The following NRXN1 variants were observed in gnomAD, a reference collection of about 807,000 sequenced individuals.
NRXN1 encodes neurexin-1.
Under a neutral mutation model 150.9 loss-of-function variants are expected in NRXN1, and 39 were observed. That is an observed-to-expected ratio of 0.26 (90% CI 0.20 to 0.34). NRXN1 has a LOEUF of 0.34. Among genes scored for constraint, NRXN1 ranks in the 10% least tolerant of loss-of-function variants. The pLI is 1.00. For missense variants in NRXN1, 1,815 were observed against 1,949.9 expected (o/e 0.93, Z 1.30); for synonymous variants, 924 against 757.0 (o/e 1.22, Z -3.62).
At position 49,942,464 on chromosome 2, in the gene NRXN1, A is replaced by G. The variant is rs536575405; in HGVS notation, c.4216+1240T>C. Among the ~76,000 whole-genome samples the G allele has an allele frequency of 2.6e-5, 4 of 152,318 alleles. No individual in the cohort carries two copies. In the South Asian group the frequency reaches 8.3e-4, roughly 32 times the overall value. The stretch of plus-strand genomic sequence containing the variant: ...TTACTCTAAAATGGTATTCTTCACA[A>G]GAATGCAAATTCATTACTTTCTTGT... On this transcript the variant is annotated intron_variant, in intron 22 of 22. Transcript: ENST00000401669.
intron 17 of NRXN1, among the ~76,000 whole-genome samples, chr2:50,410,603 G>A (rs1347163505): frequency 6.6e-6 from 1 of 152,096 alleles, no homozygotes; most frequent in Non-Finnish European, 1.5e-5. Flanking sequence ...ATGAATGAAC[G>A]AAAGTAAACT....
At chr2:50,776,261 T>C (rs746174222) in intron 5 of NRXN1, among the ~76,000 whole-genome samples, 11 of 152,150 alleles carry the variant, frequency 7.2e-5, no homozygotes, top group Non-Finnish European at 1.5e-4. Flanking sequence ...CACAAAATTA[T>C]GTGGTCCGTA....
chr2:50,599,384 TAAAG>T (rs1486373680), intron 8 of NRXN1, among the ~76,000 whole-genome samples: 3 of 152,180 alleles, frequency 2.0e-5, no homozygotes, highest in African/African-American at 7.2e-5. Context: ...ACTGAAGTAA[TAAAG>T]AAATATGTTT....
At chr2:50,641,951 C>G (rs1243683244) in intron 5 of NRXN1, among the ~76,000 whole-genome samples, 2 of 152,106 alleles carry the variant, frequency 1.3e-5, no homozygotes, top group African/African-American at 4.8e-5. Flanking sequence ...TATTCTCTTA[C>G]ACTTATGCAC....
intron 5 of NRXN1, among the ~76,000 whole-genome samples, chr2:50,828,762 G>A (rs535170830): frequency 6.6e-6 from 1 of 151,992 alleles, no homozygotes; most frequent in South Asian, 2.1e-4. Context: ...GCCAGGCAGA[G>A]GGGCTCCTCA....
chr2:50,308,990 G>A lies in NRXN1; in HGVS notation c.3365-72020C>T, dbSNP rs143073802. Among the ~76,000 whole-genome samples the A allele has an allele frequency of 3.9e-4, 59 of 152,268 alleles. 1 individual carries two copies. The East Asian group carries it at 0.011, about 28-fold the overall frequency. ...TAAAGCACTTAATGAGGTCAGACAC[G>A]CAGGAGCTGCCCAGTAAATATTAGC... On this transcript the variant is annotated intron_variant, in intron 17 of 22. Transcript: ENST00000401669.
At chr2:50,047,847 A>G (rs144929360) in intron 21 of NRXN1, among the ~76,000 whole-genome samples, 98 of 152,292 alleles carry the variant, frequency 6.4e-4, no homozygotes, top group African/African-American at 2.2e-3. Context: ...TCTACAGACT[A>G]GAAAGGTAGT....
At chr2:50,114,069 A>G (rs1469844041) in intron 18 of NRXN1, among the ~76,000 whole-genome samples, 1 of 152,128 alleles carries the variant, frequency 6.6e-6, no homozygotes, top group Non-Finnish European at 1.5e-5. Context: ...AAAAATATAT[A>G]CCACAGACTG....
chr2:50,904,124 A>G (rs1683335287), intron 5 of NRXN1, among the ~76,000 whole-genome samples: 1 of 152,116 alleles, frequency 6.6e-6, no homozygotes, highest in African/African-American at 2.4e-5. Flanking sequence ...GTAAGGCATG[A>G]CCTGAAATCC....
intron 17 of NRXN1, among the ~76,000 whole-genome samples, chr2:50,238,957 A>C (rs987698972): frequency 3.3e-5 from 5 of 152,024 alleles, no homozygotes; most frequent in Non-Finnish European, 5.9e-5. Context: ...AAAACAGTTT[A>C]TCTCTTTCAA....
chr2:50,528,898 G>T (rs1174699671), intron 11 of NRXN1: 1 of 418,650 alleles, frequency 2.4e-6, no homozygotes, highest in Non-Finnish European at 4.3e-6. Context: ...AAATCTAAGT[G>T]AAGTAAAGAA....
intron 21 of NRXN1, chr2:49,974,079 T>C: frequency 1.4e-6 from 1 of 717,236 alleles, no homozygotes; most frequent in Non-Finnish European, 2.6e-6. Context: ...GTCCATCCTC[T>C]GAAATCAATA....
intron 5 of NRXN1, among the ~76,000 whole-genome samples, chr2:50,913,471 C>T (rs1397525514): frequency 6.6e-6 from 1 of 151,636 alleles, no homozygotes; most frequent in African/African-American, 2.4e-5. Flanking sequence ...TAACTCAAGC[C>T]AAAGAATAAA....
At chr2:50,689,387 A>T (rs2104862963) in intron 5 of NRXN1, among the ~76,000 whole-genome samples, 1 of 152,312 alleles carries the variant, frequency 6.6e-6, no homozygotes, top group Admixed American at 6.5e-5. Flanking sequence ...TTCAATTATC[A>T]CCACTACAAA....
At position 50,538,560 on chromosome 2, in the gene NRXN1, C is replaced by A. The variant is rs2093320650; in HGVS notation, c.1836G>T (p.Glu612Asp). ...TTTCTGGCAGCCCCCCCAGGTACAA[C>A]TCATCATCCAGGTCCAGAATCTCAC... The part of the protein sequence containing the change: ...GESEILDLDD[E>D]LYLGGLPENK... The change falls in exon 10 of 23, where the codon GAG becomes GAT. Residue 612 changes from glutamate (E) to aspartate (D), a missense_variant. Coordinates refer to ENST00000401669, the MANE Select transcript of NRXN1 (RefSeq NM_001330078.2). 16 of 1,573,074 alleles carry A rather than the reference C, an allele frequency of 1.0e-5. No homozygotes were observed. Among genetic ancestry groups the A allele is most frequent in the Non-Finnish European group, 1.4e-5 (16 of 1,157,898 alleles).
intron 19 of NRXN1, among the ~76,000 whole-genome samples, chr2:50,057,153 C>T (rs76269936): frequency 0.017 from 2,622 of 152,194 alleles, 81 homozygotes; most frequent in African/African-American, 0.06. Context: ...AAATCTCAGA[C>T]CCTTAGTGAA....
intron 17 of NRXN1, among the ~76,000 whole-genome samples, chr2:50,309,669 G>T (rs1004770362): frequency 6.6e-6 from 1 of 152,100 alleles, no homozygotes; most frequent in Admixed American, 6.6e-5. Context: ...GAGGCGACAT[G>T]CTTCCAGCCT....
chr2:50,299,549 C>T (rs995778517), intron 17 of NRXN1, among the ~76,000 whole-genome samples: 14 of 152,034 alleles, frequency 9.2e-5, no homozygotes, highest in Non-Finnish European at 1.5e-5. Flanking sequence ...GCTTAGTTTA[C>T]ATTTAGTAGG....
intron 2 of NRXN1, among the ~76,000 whole-genome samples, chr2:51,024,825 GT>G (rs967040705): frequency 5.9e-5 from 9 of 152,000 alleles, no homozygotes; most frequent in African/African-American, 1.9e-4. Flanking sequence ...TTACTTGTCT[GT>G]TTTTTTCCCT....
Sources: gnomAD v4.1 joint callset for allele counts (sites outside exome capture counted in the v4.1 genomes callset) on GRCh38, gnomAD v4.1.1 for gene constraint, MANE v1.5 for transcripts, NCBI Gene and HGNC (gene_info 2026-07-23, HGNC 2026-07-21) for gene names.